GALNTL6: variants seen among roughly 807,000 people sequenced by gnomAD.
GALNTL6 encodes the protein polypeptide N-acetylgalactosaminyltransferase-like 6.
GALNTL6 carries 46 observed loss-of-function variants against 73.7 expected under a neutral mutation model. The ratio of observed to expected loss-of-function variants is 0.62; its 90% CI spans 0.49 to 0.80. The LOEUF is 0.80. GALNTL6 is among the 30% of genes least tolerant of loss of function. The pLI is 0.00. For missense variants in GALNTL6, 604 were observed against 755.0 expected (o/e 0.80, Z 2.34); for synonymous variants, 259 against 263.7 (o/e 0.98, Z 0.17).
intron 5 of GALNTL6, among the ~76,000 whole-genome samples, chr4:172,724,077 A>T (rs923936786): frequency 6.6e-6 from 1 of 152,180 alleles, no homozygotes; most frequent in Non-Finnish European, 1.5e-5. Flanking sequence ...ATCATAAGTC[A>T]CCATGTGGGA....
chr4:172,345,385 T>A (rs1256805049), intron 4 of GALNTL6, among the ~76,000 whole-genome samples: 4 of 152,192 alleles, frequency 2.6e-5, no homozygotes, highest in Non-Finnish European at 5.9e-5. Flanking sequence ...TTTTTATGTA[T>A]CCACTGTAAT....
At chr4:172,975,034 CCTT>C (rs1405374704) in intron 10 of GALNTL6, among the ~76,000 whole-genome samples, 1 of 152,216 alleles carries the variant, frequency 6.6e-6, no homozygotes, top group African/African-American at 2.4e-5. Flanking sequence ...TCTCTTCTCT[CCTT>C]CTGGTTGCCC....
At chr4:172,923,862 G>C (rs1002513720) in intron 8 of GALNTL6, among the ~76,000 whole-genome samples, 1 of 151,882 alleles carries the variant, frequency 6.6e-6, no homozygotes, top group Non-Finnish European at 1.5e-5. Context: ...ATCAAATCTC[G>C]TGAGACTTAC....
chr4:172,793,841 A>G (rs528100498), intron 5 of GALNTL6, among the ~76,000 whole-genome samples: 91 of 152,354 alleles, frequency 6.0e-4, no homozygotes, highest in Middle Eastern at 3.4e-3. Flanking sequence ...TTGCACAGGC[A>G]ACAATGATCT....
chr4:173,022,090 A>AAGGAAAGAAG (rs1554012035), intron 12 of GALNTL6, among the ~76,000 whole-genome samples: 8 of 66,248 alleles, frequency 1.2e-4, no homozygotes, highest in South Asian at 6.1e-4. Flanking sequence ...AAGGAAGGAA[A>AAGGAAAGAAG]GAAGGAAGGA....
chr4:172,315,803 G>C (rs905616179), intron 4 of GALNTL6, among the ~76,000 whole-genome samples: 5 of 151,378 alleles, frequency 3.3e-5, no homozygotes, highest in Admixed American at 6.6e-5. Flanking sequence ...CACACTTTAA[G>C]GTTTTCTCCA....
Position 172,663,773 on chromosome 4 carries a change from A to G in GALNTL6, c.554-145588A>G, listed in dbSNP as rs545663735. On this transcript the variant is annotated intron_variant, in intron 5 of 12. Coordinates refer to ENST00000506823, the MANE Select transcript of GALNTL6 (RefSeq NM_001034845.3). ...GCGAAACCCCATCTCTACTAAAAAT[A>G]TAAAAAATTAGCCAGGCATAATGGC... Among the ~76,000 whole-genome samples, 3 of 152,198 alleles carry G rather than the reference A, an allele frequency of 2.0e-5. No individual in the cohort carries two copies. The East Asian group carries it at 5.8e-4, about 29-fold the overall frequency.
At chr4:172,223,235 G>A (rs772829280) in intron 2 of GALNTL6, among the ~76,000 whole-genome samples, 2 of 152,106 alleles carry the variant, frequency 1.3e-5, no homozygotes, top group Non-Finnish European at 1.5e-5. Context: ...TGTTAACAAT[G>A]ACACATTTGA....
chr4:172,693,996 A>G (rs1231078906), intron 5 of GALNTL6, among the ~76,000 whole-genome samples: 1 of 152,226 alleles, frequency 6.6e-6, no homozygotes, highest in Non-Finnish European at 1.5e-5. Flanking sequence ...TGACACAGAC[A>G]TATCATTTAA....
intron 2 of GALNTL6, among the ~76,000 whole-genome samples, chr4:172,140,391 GA>G (rs1733769251): frequency 6.6e-6 from 1 of 151,990 alleles, no homozygotes; most frequent in African/African-American, 2.4e-5. Flanking sequence ...GATAATATCA[GA>G]AATTCTAATA....
At chr4:172,659,054 C>A (rs950877557) in intron 5 of GALNTL6, among the ~76,000 whole-genome samples, 4 of 152,158 alleles carry the variant, frequency 2.6e-5, no homozygotes, top group African/African-American at 9.7e-5. Context: ...TGTATTCGAT[C>A]ATTTAATCCT....
At chr4:172,055,508 T>C (rs563190823) in intron 2 of GALNTL6, among the ~76,000 whole-genome samples, 9 of 152,278 alleles carry the variant, frequency 5.9e-5, no homozygotes, top group African/African-American at 1.9e-4. Context: ...AAAATTAGAT[T>C]GGAGAGTGTG....
intron 5 of GALNTL6, among the ~76,000 whole-genome samples, chr4:172,682,135 A>G (rs978187494): frequency 6.6e-6 from 1 of 152,206 alleles, no homozygotes; most frequent in African/African-American, 2.4e-5. Context: ...GAAATATAGA[A>G]CACAAAACCA....
At chr4:172,398,651 G>A (rs1743931859) in intron 5 of GALNTL6, among the ~76,000 whole-genome samples, 1 of 152,032 alleles carries the variant, frequency 6.6e-6, no homozygotes, top group Non-Finnish European at 1.5e-5. Flanking sequence ...CTTGATAATG[G>A]TAAACTACCT....
intron 3 of GALNTL6, among the ~76,000 whole-genome samples, chr4:172,234,443 A>G (rs1812424): frequency 0.38 from 57,747 of 152,002 alleles, 11,145 homozygotes; most frequent in Non-Finnish European, 0.41. Context: ...ACACAATACC[A>G]ATACACTATG....
At chr4:171,845,599 G>T (rs1735348033) in intron 2 of GALNTL6, among the ~76,000 whole-genome samples, 1 of 152,058 alleles carries the variant, frequency 6.6e-6, no homozygotes, top group African/African-American at 2.4e-5. Context: ...TAACAATTTA[G>T]AAAGTAGATG....
At chr4:171,851,352 T>G (rs1735518348) in intron 2 of GALNTL6, among the ~76,000 whole-genome samples, 1 of 152,152 alleles carries the variant, frequency 6.6e-6, no homozygotes, top group Non-Finnish European at 1.5e-5. Context: ...TGTGACCAAT[T>G]GCTTTAAAAA....
intron 5 of GALNTL6, among the ~76,000 whole-genome samples, chr4:172,355,976 T>C (rs1054125428): frequency 2.6e-5 from 4 of 152,168 alleles, no homozygotes; most frequent in African/African-American, 9.7e-5. Flanking sequence ...TTTAAACTAA[T>C]ACTTTTAAAG....
intron 2 of GALNTL6, among the ~76,000 whole-genome samples, chr4:172,073,593 G>C (rs1389426290): frequency 6.6e-6 from 1 of 152,176 alleles, no homozygotes; most frequent in Non-Finnish European, 1.5e-5. Context: ...CTTCCCTCTA[G>C]AATTTTACCT....
Sources: allele counts gnomAD v4.1 joint callset (sites outside exome capture counted in the v4.1 genomes callset), GRCh38; gene constraint gnomAD v4.1.1; transcripts MANE v1.5; gene names NCBI Gene and HGNC (gene_info 2026-07-23, HGNC 2026-07-21).